Variants in SPATA6L observed in about 807,000 individuals in gnomAD.
SPATA6L encodes spermatogenesis associated 6 like.
In SPATA6L, 68 loss-of-function variants were observed where a neutral mutation model predicts 49.2. The observed-to-expected ratio is 1.38, with a 90% CI of 1.14 to 1.69. SPATA6L has a LOEUF of 1.69. Ranked by LOEUF, SPATA6L falls within the 40% of genes most tolerant of loss-of-function variation. SPATA6L has a pLI of 0.00. For synonymous variants in SPATA6L, 198 were observed against 165.7 expected (o/e 1.19, Z -1.50); for missense variants, 668 against 464.3 (o/e 1.44, Z -4.03).
chr9:4,656,141 A>G lies in SPATA6L; in HGVS notation c.178-52T>C, dbSNP rs890139835. ...TTTTCAAAGTTGTATTAATAAGCGCATATAGAAACTGTAAATGCCAGGTGC... is the reference window on the plus strand; with the variant it reads ...TTTTCAAAGTTGTATTAATAAGCGCGTATAGAAACTGTAAATGCCAGGTGC... On this transcript the variant is annotated intron_variant, in intron 2 of 11. Coordinates refer to ENST00000682582, the MANE Select transcript of SPATA6L (RefSeq NM_001353486.2). 5 of 1,501,356 alleles carry G rather than the reference A, an allele frequency of 3.3e-6. No homozygotes were observed. The Admixed American group carries it at 7.0e-5, about 21-fold the overall frequency. 93.0% of individuals were successfully genotyped at this position (1,501,356 alleles called of 1,614,324 possible).
At chr9:4,637,631 T>C (rs2130591513) in intron 3 of SPATA6L, among the ~76,000 whole-genome samples, 1 of 152,300 alleles carries the variant, frequency 6.6e-6, no homozygotes, top group East Asian at 1.9e-4. Flanking sequence ...ACAAGCCCCC[T>C]GAAATATCAC....
intron 6 of SPATA6L, among the ~76,000 whole-genome samples, chr9:4,623,091 C>T (rs1829701032): frequency 6.6e-6 from 1 of 152,096 alleles, no homozygotes. Context: ...ACCAGCCTGA[C>T]CAGCATGGAG....
chr9:4,634,634 G>A (rs1298860433), intron 4 of SPATA6L, among the ~76,000 whole-genome samples: 1 of 152,208 alleles, frequency 6.6e-6, no homozygotes, highest in Non-Finnish European at 1.5e-5. Flanking sequence ...TCTCAAAAGT[G>A]TGGCCTTTTA....
At chr9:4,663,721 A>C (rs939867674) in intron 1 of SPATA6L, 6 of 168,704 alleles carry the variant, frequency 3.6e-5, no homozygotes, top group African/African-American at 1.2e-4. Flanking sequence ...CCTGAGGTAG[A>C]TTTTAAACAG....
At chr9:4,611,694 T>G (rs938209515) in intron 9 of SPATA6L, among the ~76,000 whole-genome samples, 3 of 150,162 alleles carry the variant, frequency 2.0e-5, no homozygotes, top group South Asian at 2.1e-4. Flanking sequence ...ATACACCTAA[T>G]GCTAGATGAC....
At chr9:4,635,658 C>A (rs1403476766) in intron 3 of SPATA6L, among the ~76,000 whole-genome samples, 1 of 152,186 alleles carries the variant, frequency 6.6e-6, no homozygotes, top group African/African-American at 2.4e-5. Context: ...GAAAAACTAT[C>A]TTTCCATATA....
intron 7 of SPATA6L, among the ~76,000 whole-genome samples, chr9:4,619,618 G>A (rs765465151): frequency 1.3e-5 from 2 of 152,092 alleles, no homozygotes; most frequent in Non-Finnish European, 2.9e-5. Flanking sequence ...TATAAACTCT[G>A]TCTCCTCTGA....
chr9:4,618,644 C>T (rs1266615799), intron 8 of SPATA6L, among the ~76,000 whole-genome samples: 3 of 152,184 alleles, frequency 2.0e-5, no homozygotes, highest in Non-Finnish European at 4.4e-5. Flanking sequence ...CATACACCCT[C>T]CTTGGTGATT....
chr9:4,631,869 C>A (rs1587242302), intron 4 of SPATA6L, among the ~76,000 whole-genome samples: 1 of 152,062 alleles, frequency 6.6e-6, no homozygotes, highest in Admixed American at 6.6e-5. Context: ...AGTTCTGTGA[C>A]CCTGAGGGCA....
chr9:4,652,230 G>C (rs1256600493), intron 3 of SPATA6L, among the ~76,000 whole-genome samples: 1 of 152,068 alleles, frequency 6.6e-6, no homozygotes, highest in Non-Finnish European at 1.5e-5. Context: ...AGATCAGCCT[G>C]ACAAACATGG....
chr9:4,653,926 G>C (rs1431299318), intron 3 of SPATA6L, among the ~76,000 whole-genome samples: 1 of 152,202 alleles, frequency 6.6e-6, no homozygotes, highest in Non-Finnish European at 1.5e-5. Context: ...GACAGAGCGA[G>C]ACCCTGTCTC....
chr9:4,625,901 A>C (rs1051080764), intron 5 of SPATA6L: 2 of 175,958 alleles, frequency 1.1e-5, no homozygotes, highest in African/African-American at 4.7e-5. Flanking sequence ...TTTCACTTCC[A>C]GGAATGTATT....
At chr9:4,616,269 C>A (rs898594238) in intron 9 of SPATA6L, among the ~76,000 whole-genome samples, 1 of 151,424 alleles carries the variant, frequency 6.6e-6, no homozygotes, top group South Asian at 2.1e-4. Flanking sequence ...AAAGCAAGAC[C>A]CCATCTCGAA....
intron 1 of SPATA6L, chr9:4,664,936 G>C (rs898126545): frequency 6.0e-6 from 1 of 167,094 alleles, no homozygotes; most frequent in Admixed American, 6.5e-5. Context: ...TGGGTTTGTT[G>C]TTTAACCTTA....
intron 1 of SPATA6L, chr9:4,663,310 T>G (rs771075613): frequency 1.3e-6 from 2 of 1,565,176 alleles, no homozygotes; most frequent in African/African-American, 2.7e-5. Context: ...GGTTTCCACA[T>G]TCGATGATGT....
intron 3 of SPATA6L, among the ~76,000 whole-genome samples, chr9:4,653,856 G>A (rs990509731): frequency 1.3e-5 from 2 of 152,194 alleles, no homozygotes; most frequent in African/African-American, 4.8e-5. Flanking sequence ...AAGATCACTT[G>A]AGCCCAGAAA....
chr9:4,641,352 G>T (rs747415667), intron 3 of SPATA6L, among the ~76,000 whole-genome samples: 4 of 152,098 alleles, frequency 2.6e-5, no homozygotes, highest in Admixed American at 1.3e-4. Flanking sequence ...GATATAAAAT[G>T]GTGTAGTTGC....
At chr9:4,605,567 A>C in intron 9 of SPATA6L, 127 bp from the exon 10 acceptor site, 1 of 627,784 alleles carries the variant, frequency 1.6e-6, no homozygotes, top group Non-Finnish European at 2.8e-6. Flanking sequence ...CAAAATGGTA[A>C]ACATAGTGTG....
intron 13 of SPATA6L, among the ~76,000 whole-genome samples, chr9:4,590,772 C>A (rs948325653): frequency 2.6e-5 from 4 of 152,128 alleles, no homozygotes; most frequent in Admixed American, 2.6e-4. Flanking sequence ...AGGCAAATAA[C>A]CCTGGAACTA....
Sources: allele counts gnomAD v4.1 joint callset (sites outside exome capture counted in the v4.1 genomes callset), GRCh38; gene constraint gnomAD v4.1.1; transcripts MANE v1.5; gene names NCBI Gene and HGNC (gene_info 2026-07-23, HGNC 2026-07-21).